MRAP2: variants seen among roughly 807,000 people sequenced by gnomAD.
MRAP2 encodes the protein melanocortin-2 receptor accessory protein 2.
MRAP2 carries 20 observed loss-of-function variants against 17.4 expected under a neutral mutation model. The ratio of observed to expected loss-of-function variants is 1.15; its 90% CI spans 0.81 to 1.67. MRAP2 has a LOEUF of 1.67. MRAP2 is among the 40% of genes most tolerant of loss of function. MRAP2 has a pLI of 0.00. For missense variants in MRAP2, 238 were observed against 240.0 expected, an observed-to-expected ratio of 0.99 and a Z score of 0.05; for synonymous variants, 96 against 88.4, an observed-to-expected ratio of 1.09 and a Z score of -0.48.
chr6:84,101,301 C>G, the MRAP2 span, among the ~76,000 whole-genome samples: 2 of 152,210 alleles, frequency 1.3e-5, no homozygotes, highest in African/African-American at 4.8e-5. Flanking sequence ...AGAAATTCAG[C>G]TTAGTGATCT....
At chr6:84,070,577 G>T (rs1018238579) in intron 3 of MRAP2, among the ~76,000 whole-genome samples, 1 of 152,104 alleles carries the variant, frequency 6.6e-6, no homozygotes, top group Non-Finnish European at 1.5e-5. Flanking sequence ...TGTGGTTGTT[G>T]GATGAAATGT....
At chr6:84,060,978 C>T (rs551554201) in intron 2 of MRAP2, among the ~76,000 whole-genome samples, 54 of 151,632 alleles carry the variant, frequency 3.6e-4, no homozygotes, top group Middle Eastern at 3.4e-3. Flanking sequence ...GGATTACAGG[C>T]GTGAGCCACT....
chr6:84,109,456 G>A, the MRAP2 span, among the ~76,000 whole-genome samples: 43 of 151,928 alleles, frequency 2.8e-4, no homozygotes, highest in Non-Finnish European at 5.6e-4. Context: ...TTCATTCAAG[G>A]TTTAGCTCTC....
chr6:84,134,894 T>G, the MRAP2 span, among the ~76,000 whole-genome samples: 1 of 149,478 alleles, frequency 6.7e-6, no homozygotes, highest in Non-Finnish European at 1.5e-5. Flanking sequence ...AATAAAGATA[T>G]ATACTGTCAT....
Position 84,085,630 on chromosome 6 carries a change from A to G in MRAP2, c.228-3461A>G, listed in dbSNP as rs931143886. 2.0e-5 allele frequency among the ~76,000 whole-genome samples: 3 copies of G among 152,318 alleles called. No individual in the cohort carries two copies. The East Asian group carries it at 5.8e-4, about 29-fold the overall frequency. The stretch of plus-strand genomic sequence containing the variant: ...AAATCATTTACACACATGCATAACC[A>G]AACCCAAATCGGATTGTTCACAGAA... On this transcript the variant is annotated intron_variant, in intron 3 of 3. Transcript: ENST00000257776.
chr6:84,102,711 CATT>C, the MRAP2 span, among the ~76,000 whole-genome samples: 1 of 151,900 alleles, frequency 6.6e-6, no homozygotes, highest in East Asian at 1.9e-4. Context: ...TTATGTAAGA[CATT>C]AGAGGTCTGT....
At chr6:84,136,739 G>A in the MRAP2 span, among the ~76,000 whole-genome samples, 1 of 152,128 alleles carries the variant, frequency 6.6e-6, no homozygotes, top group Non-Finnish European at 1.5e-5. Context: ...TGCTATGAAG[G>A]TCTTATTTAA....
At chr6:84,037,416 C>G (rs2099486388) in intron 1 of MRAP2, among the ~76,000 whole-genome samples, 1 of 152,250 alleles carries the variant, frequency 6.6e-6, no homozygotes, top group Admixed American at 6.5e-5. Flanking sequence ...CTGGCTTTGC[C>G]TAGTGGATCC....
intron 3 of MRAP2, among the ~76,000 whole-genome samples, chr6:84,084,994 AC>A (rs1588661324): frequency 6.7e-6 from 1 of 148,222 alleles, no homozygotes; most frequent in Non-Finnish European, 1.5e-5. Flanking sequence ...CATGTGCACA[AC>A]CTGCAGGTTT....
the MRAP2 span, among the ~76,000 whole-genome samples, chr6:84,137,294 C>T: frequency 0.25 from 38,141 of 152,078 alleles, 10,703 homozygotes; most frequent in African/African-American, 0.7. Context: ...TGACTCTAAA[C>T]GTTTACTTGA....
rs1487453028 is a variant in MRAP2 at position 84,090,011 on chromosome 6, A to G, written c.*530A>G. The G allele has an allele frequency of 1.3e-5, 2 of 155,952 alleles. No homozygotes were observed. The highest frequency in any genetic ancestry group is 3.9e-4 in the South Asian group (2 of 5,148). The allele number at this position is 155,952 out of a possible 1,614,324, so 9.7% of individuals were successfully genotyped here. On this transcript the variant is annotated 3_prime_UTR_variant, in exon 4 of 4. Transcript: ENST00000257776. ...TTGTCAGCATTCTTGGGTGAGGATT[A>G]GCCTACCATGTTCTAATCTGGCCCT...
intron 1 of MRAP2, among the ~76,000 whole-genome samples, chr6:84,054,965 C>A (rs148890066): frequency 1.5e-3 from 226 of 152,326 alleles, no homozygotes; most frequent in African/African-American, 5.2e-3. Context: ...GGTGCTGAGG[C>A]TGAAGCTGTA....
At chr6:84,062,828 G>T in intron 2 of MRAP2, 65 bp from the exon 3 acceptor site, 1 of 1,606,906 alleles carries the variant, frequency 6.2e-7, no homozygotes, top group South Asian at 1.1e-5. Flanking sequence ...AAAAAGCTCT[G>T]ATTCTTGAAT....
chr6:84,033,984 G>C, intron 1 of MRAP2, 101 bp downstream of exon 1: 4 of 926,296 alleles, frequency 4.3e-6, no homozygotes, highest in Non-Finnish European at 3.9e-6. Flanking sequence ...CTTGGGTTTG[G>C]GGGCAGTCTT....
At chr6:84,113,031 A>G in the MRAP2 span, among the ~76,000 whole-genome samples, 372 of 152,208 alleles carry the variant, frequency 2.4e-3, no homozygotes, top group Non-Finnish European at 3.8e-3. Context: ...GGTCAATTTT[A>G]GAATAAGTGT....
At chr6:84,072,522 G>A (rs1054687823) in intron 3 of MRAP2, among the ~76,000 whole-genome samples, 13 of 152,204 alleles carry the variant, frequency 8.5e-5, no homozygotes, top group Non-Finnish European at 5.9e-5. Context: ...AGCTTTGGTG[G>A]TTTAATGCTC....
the MRAP2 span, among the ~76,000 whole-genome samples, chr6:84,144,246 A>T: frequency 2.6e-5 from 4 of 152,046 alleles, no homozygotes; most frequent in Admixed American, 6.6e-5. Flanking sequence ...TGTCAAATAA[A>T]GACAATGTTT....
the MRAP2 span, chr6:84,126,276 C>T: frequency 1.1e-5 from 8 of 739,558 alleles, no homozygotes; most frequent in Admixed American, 3.9e-5. Context: ...ACACTGGAAA[C>T]ACTTTAAGTG....
At chr6:84,042,790 A>G (rs75623740) in intron 1 of MRAP2, among the ~76,000 whole-genome samples, 15,157 of 152,266 alleles carry the variant, frequency 0.1, 934 homozygotes, top group Middle Eastern at 0.22. Flanking sequence ...CACACATCCT[A>G]GTTTAAGAGC....
Sources: allele counts gnomAD v4.1 joint callset (sites outside exome capture counted in the v4.1 genomes callset), GRCh38; gene constraint gnomAD v4.1.1; transcripts MANE v1.5; gene names NCBI Gene and HGNC (gene_info 2026-07-23, HGNC 2026-07-21).